Variants in DLGAP1 observed in about 807,000 individuals in gnomAD.
The protein encoded by DLGAP1 is disks large-associated protein 1.
A neutral mutation model predicts 90.8 loss-of-function variants in DLGAP1; 11 were observed. The observed-to-expected ratio is 0.12, with a 90% CI of 0.08 to 0.20. The LOEUF (loss-of-function observed/expected upper bound fraction) is 0.20. Among genes scored for constraint, DLGAP1 ranks in the 10% least tolerant of loss-of-function variants. The pLI, the probability that DLGAP1 is intolerant of heterozygous loss-of-function variation, is 1.00. For missense variants in DLGAP1, 1,050 were observed against 1,333.8 expected (o/e 0.79, Z 3.31); for synonymous variants, 558 against 540.7 (o/e 1.03, Z -0.44).
At chr18:4,047,755 G>A (rs1397414317) in intron 2 of DLGAP1, among the ~76,000 whole-genome samples, 1 of 152,124 alleles carries the variant, frequency 6.6e-6, no homozygotes, top group African/African-American at 2.4e-5. Context: ...CTGTAAAATG[G>A]CTTCTTCCAT....
intron 1 of DLGAP1, among the ~76,000 whole-genome samples, chr18:4,205,224 G>C (rs923859793): frequency 1.3e-5 from 2 of 152,152 alleles, no homozygotes; most frequent in Non-Finnish European, 2.9e-5. Flanking sequence ...AGAGGAGAAA[G>C]AGTAGTATCA....
At chr18:3,516,254 T>A (rs1030547295) in intron 10 of DLGAP1, among the ~76,000 whole-genome samples, 3 of 152,112 alleles carry the variant, frequency 2.0e-5, no homozygotes, top group South Asian at 2.1e-4. Flanking sequence ...TTTTCAAATT[T>A]TTTTGGGTGC....
chr18:3,771,373 C>T (rs1598670589), intron 5 of DLGAP1: 1 of 152,314 alleles, frequency 6.6e-6, no homozygotes, highest in East Asian at 1.9e-4. Context: ...CGTCCCACTC[C>T]TTCCTGCGCC....
chr18:3,628,044 T>C (rs2058369704), intron 7 of DLGAP1, among the ~76,000 whole-genome samples: 2 of 151,606 alleles, frequency 1.3e-5, no homozygotes, highest in Admixed American at 1.3e-4. Context: ...CCTGGCTAAT[T>C]TTTGTATTTT....
chr18:3,661,309 A>C (rs1022090772), intron 7 of DLGAP1, among the ~76,000 whole-genome samples: 4 of 152,226 alleles, frequency 2.6e-5, no homozygotes, highest in Non-Finnish European at 5.9e-5. Context: ...AGACAGGTGG[A>C]GGCTATGTCT....
At chr18:3,988,347 G>T (rs1158580231) in intron 3 of DLGAP1, among the ~76,000 whole-genome samples, 1 of 152,094 alleles carries the variant, frequency 6.6e-6, no homozygotes, top group Non-Finnish European at 1.5e-5. Flanking sequence ...CAGCTTAATT[G>T]TCACTTGCCG....
intron 2 of DLGAP1, among the ~76,000 whole-genome samples, chr18:4,088,105 C>T (rs1442092797): frequency 1.6e-5 from 2 of 128,156 alleles, no homozygotes; most frequent in African/African-American, 2.9e-5. Context: ...CTATAGAAAA[C>T]ATTTCCTATT....
intron 2 of DLGAP1, among the ~76,000 whole-genome samples, chr18:4,043,165 T>G (rs1393706452): frequency 2.6e-5 from 4 of 152,252 alleles, no homozygotes; most frequent in Non-Finnish European, 4.4e-5. Context: ...ATACTTAATT[T>G]CTATTGGAAA....
chr18:3,597,339 A>G (rs2056640519), intron 7 of DLGAP1: 1 of 427,122 alleles, frequency 2.3e-6, no homozygotes, highest in Non-Finnish European at 4.5e-6. Context: ...CGGCTGCTAT[A>G]TGTCTGGTAA....
intron 3 of DLGAP1, among the ~76,000 whole-genome samples, chr18:3,936,093 CA>C (rs1377163760): frequency 2.0e-5 from 3 of 152,190 alleles, no homozygotes; most frequent in Admixed American, 2.0e-4. Context: ...TAACCTGTGA[CA>C]GGGGTACAGG....
In DLGAP1 at chr18:4,455,256, GAGCGGAGGC is replaced by G. The variant is rs1409925918; in HGVS notation, c.-526_-518del. 6.6e-6 allele frequency: 1 copy of G among 152,502 alleles called. No individual in the cohort carries two copies. The highest frequency in any genetic ancestry group is 2.4e-5 in the African/African-American group (1 of 41,432). 9.4% of individuals were successfully genotyped at this position (152,502 alleles called of 1,614,324 possible). A position where few individuals can be genotyped will look rare whatever the true frequency, so the allele number is the denominator to read the frequency against. The stretch of plus-strand genomic sequence containing the variant: ...GCCCGAAGCGCAGCGCTCGCCTCTG[GAGCGGAGGC>G]TGAGCGCCGGGACGCGGCGGGCTGG... On this transcript the variant is annotated 5_prime_UTR_variant, in exon 1 of 13. Transcript: ENST00000315677.
At chr18:3,677,821 G>A (rs928317080) in intron 7 of DLGAP1, among the ~76,000 whole-genome samples, 4 of 151,982 alleles carry the variant, frequency 2.6e-5, no homozygotes, top group Non-Finnish European at 5.9e-5. Flanking sequence ...ACCATGCCCG[G>A]CTAATTTTTG....
chr18:4,003,820 C>T (rs976853162), intron 3 of DLGAP1, among the ~76,000 whole-genome samples: 1 of 152,150 alleles, frequency 6.6e-6, no homozygotes, highest in African/African-American at 2.4e-5. Flanking sequence ...GCGCTGTGTG[C>T]GTGTATTAAT....
chr18:3,548,859 A>C (rs762013279), intron 9 of DLGAP1, among the ~76,000 whole-genome samples: 4 of 152,134 alleles, frequency 2.6e-5, no homozygotes, highest in Non-Finnish European at 5.9e-5. Flanking sequence ...AAACATGGCG[A>C]AACCCCCTCT....
chr18:4,076,707 T>C lies in DLGAP1; in HGVS notation c.-158-71506A>G, dbSNP rs1372751740. Among the ~76,000 whole-genome samples the C allele has an allele frequency of 3.3e-5, 5 of 152,186 alleles. No homozygotes were observed. In the East Asian group the frequency reaches 9.7e-4, roughly 29 times the overall value. ...GGCGTGATCTCGGCTCACTGCAACC[T>C]CCACCTCCAGGGTTCAAGCGATTCC... On this transcript the variant is annotated intron_variant, in intron 2 of 12. Transcript: ENST00000315677.
intron 2 of DLGAP1, among the ~76,000 whole-genome samples, chr18:4,130,197 C>G (rs1464480347): frequency 6.6e-6 from 1 of 152,140 alleles, no homozygotes; most frequent in African/African-American, 2.4e-5. Context: ...TTCATGTACT[C>G]TAACAAAACC....
chr18:4,134,141 C>T (rs751369629), intron 2 of DLGAP1, among the ~76,000 whole-genome samples: 3 of 152,022 alleles, frequency 2.0e-5, no homozygotes, highest in Non-Finnish European at 2.9e-5. Context: ...ACCATGTTAA[C>T]GAAATTTCCT....
chr18:4,284,626 G>T, intron 1 of DLGAP1, among the ~76,000 whole-genome samples: 1 of 152,162 alleles, frequency 6.6e-6, no homozygotes, highest in East Asian at 1.9e-4. Context: ...ACTAGGAACT[G>T]ATGTCCCACA....
chr18:3,818,346 GTTTT>G (rs398031872), intron 4 of DLGAP1, among the ~76,000 whole-genome samples: 2 of 66,454 alleles, frequency 3.0e-5, no homozygotes, highest in Non-Finnish European at 5.4e-5. Flanking sequence ...TGTAGGGATG[GTTTT>G]TTTTTTTTTT....
Sources: gnomAD v4.1 joint callset for allele counts (sites outside exome capture counted in the v4.1 genomes callset) on GRCh38, gnomAD v4.1.1 for gene constraint, MANE v1.5 for transcripts, NCBI Gene and HGNC (gene_info 2026-07-23, HGNC 2026-07-21) for gene names.